The following CHRNA3 variants were observed in gnomAD, a reference collection of about 807,000 sequenced individuals.
CHRNA3 encodes the protein neuronal acetylcholine receptor subunit alpha-3.
Under a neutral mutation model 41.9 loss-of-function variants are expected in CHRNA3, and 34 were observed. That is an observed-to-expected ratio of 0.81 (90% CI 0.62 to 1.08). The LOEUF (loss-of-function observed/expected upper bound fraction) is 1.08, where lower values mean the gene tolerates loss of function less well. CHRNA3 is among the 50% of genes least tolerant of loss of function. The pLI, the probability that CHRNA3 is intolerant of heterozygous loss-of-function variation, is 0.00. For missense variants in CHRNA3, 542 were observed against 638.3 expected, an observed-to-expected ratio of 0.85 and a Z score of 1.63; for synonymous variants, 281 against 265.2, an observed-to-expected ratio of 1.06 and a Z score of -0.58.
rs182952136 is a variant in CHRNA3, at chr15:78,615,932, G to T, written c.377+1092C>A. Among the ~76,000 whole-genome samples, 155 of 131,578 alleles carry T rather than the reference G, an allele frequency of 1.2e-3. 2 individuals are homozygous for T. The highest frequency in any genetic ancestry group is 4.2e-3 in the African/African-American group (148 of 34,846). 86.3% of individuals were successfully genotyped at this position (131,578 alleles called of 152,430 possible). A position where few individuals can be genotyped will look rare whatever the true frequency, so the allele number is the denominator to read the frequency against. On this transcript the variant is annotated intron_variant, in intron 4 of 5. Transcript: ENST00000326828. ...ATTTTTTGTATTTTTAGTAGAGATG[G>T]GGTTTTGGTATATTGGCCAGGCTGG...
At position 78,596,220 on chromosome 15, in the gene CHRNA3, G is replaced by A. The variant is rs1239871187; in HGVS notation, c.*384C>T. Reference sequence around the variant, plus strand: ...TTCAAAGAGATTATGGGCTAAATAAGAAAAATTACTGGGAGATCTGTAGTG... The same window carrying A: ...TTCAAAGAGATTATGGGCTAAATAAAAAAAATTACTGGGAGATCTGTAGTG... On this transcript the variant is annotated 3_prime_UTR_variant, in exon 6 of 6. Transcript: ENST00000326828. The A allele has an allele frequency of 1.0e-6, 1 of 987,162 alleles. No individual in the cohort carries two copies. The highest frequency in any genetic ancestry group is 1.2e-6 in the Non-Finnish European group (1 of 831,260). The allele number at this position is 987,162 out of a possible 1,614,324, so 61.2% of individuals were successfully genotyped here. A position where few individuals can be genotyped will look rare whatever the true frequency, so the allele number is the denominator to read the frequency against.
intron 3 of CHRNA3, chr15:78,618,287 T>A (rs1320890517): frequency 7.1e-6 from 2 of 283,150 alleles, no homozygotes; most frequent in Non-Finnish European, 6.7e-6. Flanking sequence ...GAGAAGGAGG[T>A]GTCTCAGGCA....
At chr15:78,599,632 G>C (rs1198192422) in intron 5 of CHRNA3, among the ~76,000 whole-genome samples, 6 of 150,370 alleles carry the variant, frequency 4.0e-5, no homozygotes, top group Non-Finnish European at 1.5e-5. Context: ...GGAGCCTGAG[G>C]CTTTCCTCCT....
intron 4 of CHRNA3, among the ~76,000 whole-genome samples, chr15:78,606,055 T>C (rs1048837958): frequency 2.0e-5 from 3 of 152,122 alleles, no homozygotes; most frequent in African/African-American, 7.2e-5. Flanking sequence ...GTACAGCAGC[T>C]CATGCCTGTA....
At chr15:78,611,429 C>T (rs143520742) in intron 4 of CHRNA3, among the ~76,000 whole-genome samples, 61,453 of 146,488 alleles carry the variant, frequency 0.42, 13,598 homozygotes, top group African/African-American at 0.54. Flanking sequence ...TGCAAATCAA[C>T]AAATGTAATC....
At chr15:78,600,577 T>C (rs1190570261) in intron 5 of CHRNA3, among the ~76,000 whole-genome samples, 2 of 152,170 alleles carry the variant, frequency 1.3e-5, no homozygotes, top group Admixed American at 6.5e-5. Flanking sequence ...AGAACACATA[T>C]ACAATTAGAA....
intron 3 of CHRNA3, chr15:78,618,406 AG>A (rs2053497549): frequency 3.4e-6 from 2 of 583,216 alleles, no homozygotes; most frequent in Non-Finnish European, 6.1e-6. Context: ...CTGGGACTTG[AG>A]GGGTTGGGCC....
At chr15:78,594,197 C>T (rs1350632331), downstream of CHRNA3, 2 of 152,228 alleles carry the variant, frequency 1.3e-5, no homozygotes, top group Non-Finnish European at 2.9e-5. Flanking sequence ...TTAGCTTCCA[C>T]TGTAAAGTCA....
intron 5 of CHRNA3, among the ~76,000 whole-genome samples, chr15:78,600,312 C>A (rs1479493559): frequency 6.6e-6 from 1 of 152,106 alleles, no homozygotes; most frequent in Non-Finnish European, 1.5e-5. Flanking sequence ...TGATCTCAAG[C>A]CATCCACCTG....
rs144557698 is a variant in CHRNA3, at chr15:78,597,740, C to T, written c.1390-1008G>A. Among the ~76,000 whole-genome samples, 500 of 152,224 alleles carry T rather than the reference C, an allele frequency of 3.3e-3. 4 individuals are homozygous for T. The highest frequency in any genetic ancestry group is 0.011 in the African/African-American group (452 of 41,548). On this transcript the variant is annotated intron_variant, in intron 5 of 5. Coordinates refer to ENST00000326828, the MANE Select transcript of CHRNA3 (RefSeq NM_000743.5). Reference sequence around the variant, plus strand: ...GGAAAATTGTAATTATACTCCTAGACAATTCAGAAAGCAAAGAAGCCATAA... The same window carrying T: ...GGAAAATTGTAATTATACTCCTAGATAATTCAGAAAGCAAAGAAGCCATAA...
chr15:78,608,636 C>A (rs891586185), intron 4 of CHRNA3, among the ~76,000 whole-genome samples: 6 of 152,142 alleles, frequency 3.9e-5, no homozygotes, highest in African/African-American at 9.7e-5. Context: ...GGGGAAAAAA[C>A]AGAGCAGAAA....
chr15:78,593,781 C>G (rs949201415), downstream of CHRNA3: 1 of 152,194 alleles, frequency 6.6e-6, no homozygotes, highest in African/African-American at 2.4e-5. Context: ...TGGCTCACAC[C>G]TGTAATCCCA....
chr15:78,615,175 T>TAC (rs2053442082), intron 4 of CHRNA3, among the ~76,000 whole-genome samples: 1 of 152,240 alleles, frequency 6.6e-6, no homozygotes. Context: ...ATGCTCATCC[T>TAC]ACTCTGTACA....
At chr15:78,602,335 C>T in intron 4 of CHRNA3, 71 bp from the exon 5 acceptor site, 15 of 1,451,728 alleles carry the variant, frequency 1.0e-5, no homozygotes, top group Non-Finnish European at 1.4e-5. Flanking sequence ...TCATCTCAAC[C>T]AGCTTCTCAC....
At chr15:78,609,363 G>A (rs1478867625) in intron 4 of CHRNA3, among the ~76,000 whole-genome samples, 1 of 152,218 alleles carries the variant, frequency 6.6e-6, no homozygotes, top group South Asian at 2.1e-4. Context: ...AAGCCCATCA[G>A]ACTAACAGCA....
In CHRNA3 at chr15:78,602,254, C is replaced by T; in HGVS notation, c.388G>A (p.Asp130Asn). The T allele has an allele frequency of 6.2e-7, 1 of 1,613,482 alleles. No individual in the cohort carries two copies. Among genetic ancestry groups the T allele is most frequent in the Non-Finnish European group, 8.5e-7 (1 of 1,179,602 alleles). Reference sequence around the variant, plus strand: ...TTGGTCTTGTCGTCCACCTGGAAATCCCCAACAGCACTGCAAAGACAAAGA... The same window carrying T: ...TTGGTCTTGTCGTCCACCTGGAAATTCCCAACAGCACTGCAAAGACAAAGA... ...DIVLYNNAVG[D>N]FQVDDKTKAL... The change falls in exon 5 of 6, where the codon GAT (aspartate) becomes AAT (asparagine). Residue 130 changes from aspartate (D) to asparagine (N), a missense_variant. Asp to Asn is a conservative substitution (Grantham distance 23, BLOSUM62 1). Coordinates refer to ENST00000326828, the MANE Select transcript of CHRNA3 (RefSeq NM_000743.5).
intron 4 of CHRNA3, among the ~76,000 whole-genome samples, chr15:78,604,117 C>G (rs2053247322): frequency 6.6e-6 from 1 of 152,184 alleles, no homozygotes; most frequent in Admixed American, 6.5e-5. Context: ...GGTTGGCAAG[C>G]TGTGGTCCTC....
intron 4 of CHRNA3, among the ~76,000 whole-genome samples, chr15:78,611,944 C>A (rs1378705324): frequency 6.6e-6 from 1 of 152,132 alleles, no homozygotes; most frequent in African/African-American, 2.4e-5. Flanking sequence ...ACAGCCAAAT[C>A]ATGAGTGAAC....
chr15:78,620,948 G>T lies in CHRNA3; in HGVS notation c.-154C>A. ...GGCTCCTCTCCGCTTCGCCGCCGCT[G>T]GGTTTCCAGCGCCCTCGGACCCGCG... On this transcript the variant is annotated 5_prime_UTR_variant, in exon 1 of 6. Transcript: ENST00000326828. The T allele has an allele frequency of 4.7e-6, 5 of 1,072,502 alleles. No homozygotes were observed. The highest frequency in any genetic ancestry group is 5.9e-6 in the Non-Finnish European group (5 of 846,480). The allele number at this position is 1,072,502 out of a possible 1,614,324, so 66.4% of individuals were successfully genotyped here.
Sources: allele counts gnomAD v4.1 joint callset (sites outside exome capture counted in the v4.1 genomes callset), GRCh38; gene constraint gnomAD v4.1.1; transcripts MANE v1.5; gene names NCBI Gene and HGNC (gene_info 2026-07-23, HGNC 2026-07-21).